Variants in RORB observed in about 807,000 individuals in gnomAD.
RORB encodes RAR related orphan receptor B, also known as nuclear receptor ROR-beta.
A neutral mutation model predicts 59.1 loss-of-function variants in RORB; 6 were observed. The ratio of observed to expected loss-of-function variants is 0.10; its 90% CI spans 0.06 to 0.20. The LOEUF is 0.20. RORB is among the 10% of genes least tolerant of loss of function. The pLI is 1.00. For synonymous variants in RORB, 215 were observed against 204.5 expected (o/e 1.05, Z -0.44); for missense variants, 320 against 560.5 (o/e 0.57, Z 4.33).
At chr9:74,589,355 C>A (rs946475237) in intron 1 of RORB, among the ~76,000 whole-genome samples, 1 of 152,062 alleles carries the variant, frequency 6.6e-6, no homozygotes, top group Non-Finnish European at 1.5e-5. Flanking sequence ...ACACAGGTTC[C>A]CACCTCTCTC....
chr9:74,668,102 A>G (rs1824295760), intron 8 of RORB, among the ~76,000 whole-genome samples: 1 of 152,236 alleles, frequency 6.6e-6, no homozygotes, highest in Non-Finnish European at 1.5e-5. Context: ...CCCGAAAGCA[A>G]GAGTAGAGCA....
rs112848137 is a variant in RORB, at chr9:74,534,544, G to A, written c.7+36561G>A. Among the ~76,000 whole-genome samples the A allele has an allele frequency of 2.3e-3, 343 of 152,090 alleles. 3 individuals are homozygous for A. The highest frequency in any genetic ancestry group is 7.7e-3 in the African/African-American group (318 of 41,538). ...TGACCATATTTTGCCCCTGGCACCA[G>A]AGTGATGGCTTCATTTTTAATGACA... On this transcript the variant is annotated intron_variant, in intron 1 of 9. Coordinates refer to ENST00000376896, the MANE Select transcript of RORB (RefSeq NM_006914.4).
intron 1 of RORB, among the ~76,000 whole-genome samples, chr9:74,599,423 G>A (rs192051962): frequency 8.5e-5 from 13 of 152,090 alleles, no homozygotes; most frequent in African/African-American, 3.1e-4. Flanking sequence ...CACATTTAAA[G>A]AAATTAAAAC....
chr9:74,623,405 T>C (rs1823456252), intron 1 of RORB, among the ~76,000 whole-genome samples: 1 of 152,050 alleles, frequency 6.6e-6, no homozygotes, highest in Non-Finnish European at 1.5e-5. Context: ...TTCTCTTTTT[T>C]CTGCCTTGTC....
intron 1 of RORB, among the ~76,000 whole-genome samples, chr9:74,595,865 C>T (rs1327194604): frequency 6.6e-6 from 1 of 152,118 alleles, no homozygotes; most frequent in African/African-American, 2.4e-5. Flanking sequence ...AATTACCAAG[C>T]ACGTTGCGTT....
intron 4 of RORB, among the ~76,000 whole-genome samples, chr9:74,648,483 C>T (rs963019541): frequency 6.6e-6 from 1 of 152,118 alleles, no homozygotes; most frequent in African/African-American, 2.4e-5. Flanking sequence ...GTTATAGCCA[C>T]GTCACACAGA....
At chr9:74,513,260 G>T (rs1309570609) in intron 1 of RORB, among the ~76,000 whole-genome samples, 1 of 151,888 alleles carries the variant, frequency 6.6e-6, no homozygotes, top group South Asian at 2.1e-4. Context: ...TTACATCCTA[G>T]TAGTAAATAA....
At chr9:74,684,595 T>C (rs1232388675) in intron 9 of RORB, among the ~76,000 whole-genome samples, 1 of 152,208 alleles carries the variant, frequency 6.6e-6, no homozygotes, top group Non-Finnish European at 1.5e-5. Context: ...ATTTAAATTA[T>C]TATAAAACAC....
chr9:74,591,245 A>T (rs967141842), intron 1 of RORB, among the ~76,000 whole-genome samples: 2 of 152,210 alleles, frequency 1.3e-5, no homozygotes, highest in African/African-American at 4.8e-5. Flanking sequence ...AACTTCTAAA[A>T]TTCAACTAGC....
intron 1 of RORB, among the ~76,000 whole-genome samples, chr9:74,509,016 T>C (rs1338287318): frequency 6.6e-6 from 1 of 152,040 alleles, no homozygotes; most frequent in African/African-American, 2.4e-5. Flanking sequence ...CAACCTCCGC[T>C]ACCGTTTGGC....
chr9:74,674,685 A>G lies in RORB; in HGVS notation c.1224+2784A>G, dbSNP rs116533202. ...AAATTTGGGGATTATGTATCCTAAC[A>G]TTAACTAGAAGATTTCAATTCCCAT... is the stretch of plus-strand genomic sequence containing the variant. On this transcript the variant is annotated intron_variant, in intron 9 of 9. Coordinates refer to ENST00000376896, the MANE Select transcript of RORB (RefSeq NM_006914.4). 3.2e-3 allele frequency among the ~76,000 whole-genome samples: 489 copies of G among 152,350 alleles called. 2 individuals carry two copies. The highest frequency in any genetic ancestry group is 0.011 in the African/African-American group (463 of 41,586).
intron 9 of RORB, among the ~76,000 whole-genome samples, chr9:74,679,637 G>T (rs148980441): frequency 6.6e-6 from 1 of 152,116 alleles, no homozygotes; most frequent in African/African-American, 2.4e-5. Context: ...GGCAGGTTTC[G>T]TTGAGGAACT....
intron 2 of RORB, among the ~76,000 whole-genome samples, chr9:74,632,375 A>G (rs1325379331): frequency 6.6e-6 from 1 of 152,246 alleles, no homozygotes; most frequent in East Asian, 1.9e-4. Flanking sequence ...TAAATATGCT[A>G]CTTTTTTCTG....
At chr9:74,503,098 C>T (rs574380227) in intron 1 of RORB, among the ~76,000 whole-genome samples, 1 of 151,992 alleles carries the variant, frequency 6.6e-6, no homozygotes, top group South Asian at 2.1e-4. Flanking sequence ...AGATGTAGTT[C>T]TGTTATTCTA....
At chr9:74,614,803 A>C (rs1052532689) in intron 1 of RORB, among the ~76,000 whole-genome samples, 1 of 151,968 alleles carries the variant, frequency 6.6e-6, no homozygotes. Flanking sequence ...TTCCCATGGA[A>C]GTTAACGCAA....
At chr9:74,560,479 C>T (rs191467629) in intron 1 of RORB, among the ~76,000 whole-genome samples, 28 of 152,136 alleles carry the variant, frequency 1.8e-4, no homozygotes, top group African/African-American at 6.7e-4. Context: ...CTGAAAACAT[C>T]AGGGAAAATG....
At chr9:74,629,392 C>G (rs1231355884) in intron 1 of RORB, among the ~76,000 whole-genome samples, 1 of 151,842 alleles carries the variant, frequency 6.6e-6, no homozygotes, top group African/African-American at 2.4e-5. Context: ...CATAATCTGG[C>G]ATCAACCCTC....
At chr9:74,615,926 C>T (rs1244524133) in intron 1 of RORB, among the ~76,000 whole-genome samples, 1 of 152,116 alleles carries the variant, frequency 6.6e-6, no homozygotes, top group Non-Finnish European at 1.5e-5. Context: ...ATTATACTAA[C>T]ATTAGGTTAA....
chr9:74,654,345 A>C (rs1209057200), intron 4 of RORB, among the ~76,000 whole-genome samples: 1 of 90,656 alleles, frequency 1.1e-5, no homozygotes, highest in African/African-American at 5.4e-5. Context: ...AGAGAGAGAG[A>C]GAGAGAGAGA....
Sources: allele counts gnomAD v4.1 joint callset (sites outside exome capture counted in the v4.1 genomes callset), GRCh38; gene constraint gnomAD v4.1.1; transcripts MANE v1.5; gene names NCBI Gene and HGNC (gene_info 2026-07-23, HGNC 2026-07-21).